PPM1L: variants seen among roughly 807,000 people sequenced by gnomAD.
The protein encoded by PPM1L is protein phosphatase 1L.
A neutral mutation model predicts 31.4 loss-of-function variants in PPM1L; 13 were observed. The ratio of observed to expected loss-of-function variants is 0.41; its 90% CI spans 0.27 to 0.66. PPM1L has a LOEUF of 0.66. Among genes scored for constraint, PPM1L ranks in the 30% least tolerant of loss-of-function variants. The pLI is 0.29. For missense variants in PPM1L, 326 were observed against 453.7 expected, an observed-to-expected ratio of 0.72 and a Z score of 2.56; for synonymous variants, 184 against 175.4, an observed-to-expected ratio of 1.05 and a Z score of -0.39.
At chr3:160,826,781 C>T (rs1163326958) in intron 1 of PPM1L, among the ~76,000 whole-genome samples, 1 of 152,054 alleles carries the variant, frequency 6.6e-6, no homozygotes, top group Non-Finnish European at 1.5e-5. Flanking sequence ...GGATGAAAAA[C>T]AGCATTGCAA....
chr3:160,848,901 A>T (rs949782508), intron 1 of PPM1L, among the ~76,000 whole-genome samples: 1 of 152,124 alleles, frequency 6.6e-6, no homozygotes, highest in African/African-American at 2.4e-5. Context: ...CTTCTTCTTT[A>T]CTTTCCCCTT....
intron 1 of PPM1L, among the ~76,000 whole-genome samples, chr3:160,925,097 A>C (rs1261356408): frequency 6.6e-6 from 1 of 152,226 alleles, no homozygotes; most frequent in Non-Finnish European, 1.5e-5. Flanking sequence ...TCAAGAAGCT[A>C]TACCTAATCA....
In PPM1L at chr3:160,856,491, A is replaced by C. The variant is rs183092429; in HGVS notation, c.399+99784A>C. On this transcript the variant is annotated intron_variant, in intron 1 of 3. Coordinates refer to ENST00000498165, the MANE Select transcript of PPM1L (RefSeq NM_139245.4). ...GACACAGGCATAAAAAAAGAATGAG[A>C]TCATGTCCTTTGTAGCAGCATGGAT... Among the ~76,000 whole-genome samples, 244 of 152,324 alleles carry C rather than the reference A, an allele frequency of 1.6e-3. 1 individual carries two copies. Among genetic ancestry groups the C allele is most frequent in the African/African-American group, 5.2e-3 (215 of 41,590 alleles).
intron 2 of PPM1L, among the ~76,000 whole-genome samples, chr3:161,062,779 G>A (rs1263525796): frequency 6.6e-6 from 1 of 152,138 alleles, no homozygotes; most frequent in East Asian, 1.9e-4. Flanking sequence ...GCTGGGGAAG[G>A]GGCCTTTAAC....
intron 1 of PPM1L, among the ~76,000 whole-genome samples, chr3:160,940,517 C>G (rs1258669525): frequency 6.6e-6 from 1 of 152,200 alleles, no homozygotes; most frequent in Admixed American, 6.5e-5. Context: ...CCTTGTGTCC[C>G]AGCCACTCCA....
intron 2 of PPM1L, among the ~76,000 whole-genome samples, chr3:161,003,702 T>C (rs1295382669): frequency 3.3e-5 from 5 of 152,342 alleles, no homozygotes; most frequent in African/African-American, 7.2e-5. Context: ...ATCCTGAGAA[T>C]TTGCTGAAGT....
chr3:161,010,021 T>A (rs1461273424), intron 2 of PPM1L, among the ~76,000 whole-genome samples: 1 of 152,130 alleles, frequency 6.6e-6, no homozygotes, highest in East Asian at 1.9e-4. Context: ...TTTATACTTA[T>A]ACTTTAAGTT....
chr3:160,825,136 A>G (rs1372362339), intron 1 of PPM1L, among the ~76,000 whole-genome samples: 1 of 151,020 alleles, frequency 6.6e-6, no homozygotes, highest in Non-Finnish European at 1.5e-5. Context: ...TATTCCTGAC[A>G]CATCTTTTTA....
intron 2 of PPM1L, among the ~76,000 whole-genome samples, chr3:161,055,559 C>T (rs986206749): frequency 6.6e-6 from 1 of 152,176 alleles, no homozygotes; most frequent in African/African-American, 2.4e-5. Flanking sequence ...TGAACTAACA[C>T]TCATTGTCAA....
intron 1 of PPM1L, among the ~76,000 whole-genome samples, chr3:160,773,780 G>C (rs1192636977): frequency 6.6e-6 from 1 of 152,124 alleles, no homozygotes; most frequent in Non-Finnish European, 1.5e-5. Context: ...TCATATGTGA[G>C]CCTGTTTTCA....
At chr3:160,909,647 G>A (rs1395843111) in intron 1 of PPM1L, among the ~76,000 whole-genome samples, 3 of 152,088 alleles carry the variant, frequency 2.0e-5, no homozygotes, top group Non-Finnish European at 2.9e-5. Flanking sequence ...ACCAAACAGA[G>A]AACTGCCTAC....
At chr3:160,927,748 C>G (rs1318296081) in intron 1 of PPM1L, among the ~76,000 whole-genome samples, 1 of 152,138 alleles carries the variant, frequency 6.6e-6, no homozygotes, top group East Asian at 1.9e-4. Flanking sequence ...TCACTAATGG[C>G]TACTTTTAAG....
At chr3:160,813,990 G>T (rs1357253603) in intron 1 of PPM1L, among the ~76,000 whole-genome samples, 1 of 152,138 alleles carries the variant, frequency 6.6e-6, no homozygotes, top group Admixed American at 6.5e-5. Flanking sequence ...GGTAAATTTT[G>T]TTTATAGAGA....
Position 160,979,084 on chromosome 3 carries a change from C to G in PPM1L, c.574+17174C>G, listed in dbSNP as rs375390998. ...AGATGTTTTGTTTGATGTAACGGCT[C>G]AACAGGACAGGATCCTAACTCAAAC... On this transcript the variant is annotated intron_variant, in intron 2 of 3. Transcript: ENST00000498165. 2.6e-5 allele frequency among the ~76,000 whole-genome samples: 4 copies of G among 152,036 alleles called. No individual in the cohort carries two copies. In the South Asian group the frequency reaches 8.3e-4, roughly 32 times the overall value.
intron 1 of PPM1L, among the ~76,000 whole-genome samples, chr3:160,850,886 G>T (rs1253016804): frequency 8.9e-5 from 13 of 146,274 alleles, no homozygotes; most frequent in African/African-American, 2.5e-4. Context: ...TTTTTTGGTG[G>T]GGGGGGGGTC....
At chr3:160,769,373 G>A (rs899737780) in intron 1 of PPM1L, among the ~76,000 whole-genome samples, 1 of 152,186 alleles carries the variant, frequency 6.6e-6, no homozygotes, top group African/African-American at 2.4e-5. Flanking sequence ...AGACTTTAGA[G>A]GACTTCAGAA....
intron 1 of PPM1L, among the ~76,000 whole-genome samples, chr3:160,882,534 A>G (rs1712760105): frequency 6.6e-6 from 1 of 152,162 alleles, no homozygotes; most frequent in Non-Finnish European, 1.5e-5. Context: ...TTAGTTTCCT[A>G]GGGTTCCTAA....
intron 1 of PPM1L, among the ~76,000 whole-genome samples, chr3:160,884,793 A>G (rs1434214289): frequency 1.3e-5 from 2 of 152,186 alleles, no homozygotes; most frequent in Non-Finnish European, 2.9e-5. Context: ...AGATTTTAAG[A>G]CCACTAAATA....
In PPM1L at chr3:161,065,446, T is replaced by C. The variant is rs774036108; in HGVS notation, c.618T>C (p.Thr206=). The C allele has an allele frequency of 1.6e-5, 26 of 1,614,104 alleles. No individual in the cohort carries two copies. In the South Asian group the frequency reaches 2.5e-4, roughly 16 times the overall value. The change falls in exon 3 of 4, where the codon ACT becomes ACC. Residue 206 remains threonine, a synonymous_variant. Coordinates refer to ENST00000498165, the MANE Select transcript of PPM1L (RefSeq NM_139245.4). ...LIALLSDKDL[T]VANVGDSRGV... is the part of the protein sequence containing the mutation. ...CTCTGCTATCAGATAAAGACCTCAC[T>C]GTGGCCAACGTGGGTGACTCGCGCG... is the stretch of plus-strand genomic sequence containing the variant.
Sources: gnomAD v4.1 joint callset for allele counts (sites outside exome capture counted in the v4.1 genomes callset) on GRCh38, gnomAD v4.1.1 for gene constraint, MANE v1.5 for transcripts, NCBI Gene and HGNC (gene_info 2026-07-23, HGNC 2026-07-21) for gene names.